Variants in DTL observed in about 807,000 individuals in gnomAD.
DTL encodes the protein denticleless E3 ubiquitin protein ligase adapter.
A neutral mutation model predicts 87.0 loss-of-function variants in DTL; 46 were observed. The observed-to-expected ratio is 0.53, with a 90% CI of 0.42 to 0.68. DTL has a LOEUF of 0.68. Among genes scored for constraint, DTL ranks in the 30% least tolerant of loss-of-function variants. The probability of loss-of-function intolerance (pLI) is 0.00; values close to 1 mark genes in which losing one functional copy is unlikely to be tolerated. For synonymous variants in DTL, 308 were observed against 311.2 expected (o/e 0.99, Z 0.11); for missense variants, 737 against 869.4 (o/e 0.85, Z 1.91).
intron 5 of DTL, among the ~76,000 whole-genome samples, chr1:212,058,929 C>T (rs916379345): frequency 6.6e-6 from 1 of 151,784 alleles, no homozygotes; most frequent in Non-Finnish European, 1.5e-5. Flanking sequence ...ACTAGAAAAC[C>T]TAGAGGAAAT....
intron 6 of DTL, among the ~76,000 whole-genome samples, chr1:212,064,440 A>G (rs1654433359): frequency 1.3e-5 from 2 of 152,186 alleles, no homozygotes; most frequent in Admixed American, 1.3e-4. Flanking sequence ...GTGGATATTG[A>G]CAAATGTGTA....
intron 5 of DTL, among the ~76,000 whole-genome samples, chr1:212,048,543 C>G (rs1323874403): frequency 6.6e-6 from 1 of 152,116 alleles, no homozygotes; most frequent in Admixed American, 6.5e-5. Flanking sequence ...ATTGATTTTC[C>G]TATGTTTATA....
At chr1:212,053,270 T>C (rs1024147787) in intron 5 of DTL, among the ~76,000 whole-genome samples, 3 of 152,188 alleles carry the variant, frequency 2.0e-5, no homozygotes, top group African/African-American at 7.2e-5. Context: ...TTCTAAAATT[T>C]TCTTATGTTT....
intron 1 of DTL, among the ~76,000 whole-genome samples, chr1:212,039,027 C>G (rs963167930): frequency 1.2e-4 from 19 of 152,122 alleles, no homozygotes; most frequent in African/African-American, 4.6e-4. Context: ...TTTCATTTCT[C>G]CTACAGAATT....
intron 5 of DTL, among the ~76,000 whole-genome samples, chr1:212,060,729 A>G (rs1272612982): frequency 1.4e-5 from 2 of 143,852 alleles, no homozygotes; most frequent in Non-Finnish European, 3.1e-5. Flanking sequence ...AGTGAGACTC[A>G]GTCTCAAAAA....
chr1:212,060,399 C>T (rs1017954567), intron 5 of DTL, among the ~76,000 whole-genome samples: 1 of 152,086 alleles, frequency 6.6e-6, no homozygotes, highest in Admixed American at 6.6e-5. Context: ...TGGGTATCCA[C>T]ATGCAGAAGA....
At chr1:212,076,903 ACT>A (rs1342533289) in intron 11 of DTL, among the ~76,000 whole-genome samples, 8 of 152,264 alleles carry the variant, frequency 5.3e-5, no homozygotes, top group African/African-American at 1.9e-4. Context: ...ATTTTAATTA[ACT>A]CTGCAAGACA....
intron 5 of DTL, among the ~76,000 whole-genome samples, chr1:212,060,524 T>C (rs542391260): frequency 1.2e-3 from 175 of 152,042 alleles, no homozygotes; most frequent in African/African-American, 4.1e-3. Flanking sequence ...TTGCCTGAGC[T>C]CAGGAGTTCA....
Position 212,100,443 on chromosome 1 carries a change from T to G in DTL, c.1453T>G (p.Ser485Ala). Reference sequence around the variant, plus strand: ...CCGGTCTCCCATCAACAGAAGAGGCTCTGTCTCCTCCGTCTCTCCCAAGCC... The same window carrying G: ...CCGGTCTCCCATCAACAGAAGAGGCGCTGTCTCCTCCGTCTCTCCCAAGCC... ...KARSPINRRG[S>A]VSSVSPKPPS... is the part of the protein sequence containing the mutation. The change falls in exon 14 of 15, where the codon TCT becomes GCT. Residue 485 changes from serine to alanine, a missense_variant. By Grantham distance (99) the Ser-to-Ala change is moderately conservative. Transcript: ENST00000366991. 1 of 1,613,992 alleles carries G rather than the reference T, an allele frequency of 6.2e-7. No homozygotes were observed. Among genetic ancestry groups the G allele is most frequent in the East Asian group, 2.2e-5 (1 of 44,876 alleles).
At chr1:212,051,486 T>A (rs1207338736) in intron 5 of DTL, 24 of 260,008 alleles carry the variant, frequency 9.2e-5, no homozygotes, top group South Asian at 1.7e-4. Flanking sequence ...TTTTTTTTTT[T>A]AGCCCAGAGG....
Position 212,104,956 on chromosome 1 carries a change from T to C in DTL, c.*2016T>C, listed in dbSNP as rs1056100792. ...TTCATTAAAATGTTTATTCCCAAAG[T>C]TATAATCTATTTCAAGCTGAAAGAG... On this transcript the variant is annotated 3_prime_UTR_variant, in exon 15 of 15. Transcript: ENST00000366991. 2.0e-5 allele frequency: 3 copies of C among 152,188 alleles called. No homozygotes were observed. Among genetic ancestry groups the C allele is most frequent in the Admixed American group, 6.6e-5 (1 of 15,266 alleles). The allele number at this position is 152,188 out of a possible 1,614,324, so 9.4% of individuals were successfully genotyped here.
intron 5 of DTL, among the ~76,000 whole-genome samples, chr1:212,053,284 T>C (rs1286252394): frequency 6.6e-6 from 1 of 152,206 alleles, no homozygotes; most frequent in African/African-American, 2.4e-5. Context: ...TATGTTTTTT[T>C]TAAGACAGGG....
chr1:212,079,187 A>C (rs1404215903), intron 12 of DTL, among the ~76,000 whole-genome samples: 5 of 151,984 alleles, frequency 3.3e-5, no homozygotes, highest in Non-Finnish European at 7.4e-5. Flanking sequence ...TTAATCACCC[A>C]AAATTACATA....
intron 6 of DTL, among the ~76,000 whole-genome samples, chr1:212,063,619 CAT>C (rs1163172329): frequency 6.6e-6 from 1 of 152,150 alleles, no homozygotes; most frequent in African/African-American, 2.4e-5. Flanking sequence ...TTGAATTAAA[CAT>C]AAGCTCATGG....
At position 212,065,048 on chromosome 1, in the gene DTL, A is replaced by G; in HGVS notation, c.639+19A>G. 3 of 1,539,478 alleles carry G rather than the reference A, an allele frequency of 1.9e-6. No individual in the cohort carries two copies. Among genetic ancestry groups the G allele is most frequent in the Non-Finnish European group, 2.7e-6 (3 of 1,112,130 alleles). ...TTCTGTGGTAAGGTTTTACAGATGT[A>G]TACATGTGTGCAGATCTTATCTGTA... On this transcript the variant is annotated intron_variant, in intron 7 of 14. Coordinates refer to ENST00000366991, the MANE Select transcript of DTL (RefSeq NM_016448.4).
chr1:212,074,823 G>A (rs1041995307), intron 11 of DTL, among the ~76,000 whole-genome samples: 1 of 152,032 alleles, frequency 6.6e-6, no homozygotes, highest in Non-Finnish European at 1.5e-5. Context: ...ATAGAAGGGA[G>A]TTTTGTATCT....
At chr1:212,043,532 T>C (rs1043555468) in intron 2 of DTL, among the ~76,000 whole-genome samples, 44 of 152,120 alleles carry the variant, frequency 2.9e-4, no homozygotes, top group African/African-American at 9.9e-4. Flanking sequence ...CCCAGCACTT[T>C]AGGACGCCAA....
chr1:212,065,042 A>G lies in DTL; in HGVS notation c.639+13A>G. The stretch of plus-strand genomic sequence containing the variant: ...TGCTCCTTCTGTGGTAAGGTTTTAC[A>G]GATGTATACATGTGTGCAGATCTTA... On this transcript the variant is annotated intron_variant, in intron 7 of 14. Transcript: ENST00000366991. The G allele has an allele frequency of 5.1e-6, 8 of 1,562,848 alleles. No homozygotes were observed. The highest frequency in any genetic ancestry group is 7.1e-6 in the Non-Finnish European group (8 of 1,133,416).
In DTL at chr1:212,100,801, G is replaced by A; in HGVS notation, c.1811G>A (p.Gly604Asp). 6.2e-7 allele frequency: 1 copy of A among 1,614,090 alleles called. No individual in the cohort carries two copies. Among genetic ancestry groups the A allele is most frequent in the Non-Finnish European group, 8.5e-7 (1 of 1,180,016 alleles). Reference sequence around the variant, plus strand: ...GAAGACCTTAGTAAGGACTCTCTAGGTCCTACCAAATCAAGCAAAATTGAA... The same window carrying A: ...GAAGACCTTAGTAAGGACTCTCTAGATCCTACCAAATCAAGCAAAATTGAA... ...NQEDLSKDSL[G>D]PTKSSKIEGA... Residue 604 changes from glycine (G) to aspartate (D), a missense_variant, in exon 14 of 15, where the codon GGT becomes GAT. Transcript: ENST00000366991.
Sources: gnomAD v4.1 joint callset for allele counts (sites outside exome capture counted in the v4.1 genomes callset) on GRCh38, gnomAD v4.1.1 for gene constraint, MANE v1.5 for transcripts, NCBI Gene and HGNC (gene_info 2026-07-23, HGNC 2026-07-21) for gene names.